Variants in CLIP2 observed in about 807,000 individuals in gnomAD.
CLIP2 encodes the protein CAP-Gly domain-containing linker protein 2.
A neutral mutation model predicts 111.7 loss-of-function variants in CLIP2; 41 were observed. That is an observed-to-expected ratio of 0.37 (90% CI 0.29 to 0.48). The LOEUF is 0.48. Among genes scored for constraint, CLIP2 ranks in the 20% least tolerant of loss-of-function variants. The pLI, the probability that CLIP2 is intolerant of heterozygous loss-of-function variation, is 0.99. For missense variants in CLIP2, 1,160 were observed against 1,422.1 expected (o/e 0.82, Z 2.96); for synonymous variants, 660 against 644.2 (o/e 1.02, Z -0.37).
chr7:74,295,753 C>T (rs1386870337), intron 1 of CLIP2, among the ~76,000 whole-genome samples: 2 of 152,036 alleles, frequency 1.3e-5, no homozygotes, highest in Non-Finnish European at 2.9e-5. Context: ...GCCTGTAATC[C>T]CAGCACTTTG....
intron 14 of CLIP2, among the ~76,000 whole-genome samples, chr7:74,398,358 C>CA (rs150046797): frequency 1.9e-4 from 28 of 145,964 alleles, no homozygotes; most frequent in East Asian, 6.1e-4. Context: ...GACTTTGTCT[C>CA]AAAAAAAAAA....
intron 16 of CLIP2, 25 bp downstream of exon 16, chr7:74,401,592 G>C (rs782695036): frequency 1.4e-5 from 22 of 1,609,854 alleles, no homozygotes; most frequent in South Asian, 3.3e-5. Flanking sequence ...GGGCCTCCCA[G>C]GTCCCTCCCG....
In CLIP2 at chr7:74,289,439, C is replaced by T. The variant is rs944890843; in HGVS notation, c.-363C>T. 1 of 149,992 alleles carries T rather than the reference C, an allele frequency of 6.7e-6. No homozygotes were observed. Among genetic ancestry groups the T allele is most frequent in the Non-Finnish European group, 1.5e-5 (1 of 67,306 alleles). The allele number at this position is 149,992 out of a possible 1,614,324, so 9.3% of individuals were successfully genotyped here. On this transcript the variant is annotated 5_prime_UTR_variant, in exon 1 of 17. Transcript: ENST00000223398. ...TTCCCTCCCGGAGCCGGGCCGCTGG[C>T]TCCGCTGGCTCCGCTGGCTCCGCGG...
chr7:74,374,889 A>G (rs1000108748), intron 9 of CLIP2, among the ~76,000 whole-genome samples: 4 of 152,172 alleles, frequency 2.6e-5, no homozygotes, highest in Admixed American at 6.6e-5. Context: ...TGGAGCCTCT[A>G]AGAGTTTTTT....
At chr7:74,379,872 G>A (rs181580577) in intron 10 of CLIP2, among the ~76,000 whole-genome samples, 3 of 152,096 alleles carry the variant, frequency 2.0e-5, no homozygotes, top group African/African-American at 4.8e-5. Flanking sequence ...GCTTGAACCC[G>A]GGAGGTGGAG....
At position 74,403,863 on chromosome 7, in the gene CLIP2, T is replaced by C. The variant is rs1554318126; in HGVS notation, c.*15T>C. On this transcript the variant is annotated 3_prime_UTR_variant, in exon 17 of 17. Transcript: ENST00000223398. ...ACAAGCACTGATCCTGAGGGGATACTGTGGAGCAGCCCAGTCCACACCAGA... is the reference window on the plus strand; with the variant it reads ...ACAAGCACTGATCCTGAGGGGATACCGTGGAGCAGCCCAGTCCACACCAGA... 1.9e-6 allele frequency: 3 copies of C among 1,613,090 alleles called. No homozygotes were observed. Among genetic ancestry groups the C allele is most frequent in the East Asian group, 2.2e-5 (1 of 44,864 alleles).
intron 2 of CLIP2, among the ~76,000 whole-genome samples, chr7:74,320,645 G>T (rs754531201): frequency 1.2e-4 from 18 of 152,292 alleles, no homozygotes; most frequent in Non-Finnish European, 2.1e-4. Flanking sequence ...AGAGCCAGGT[G>T]GGGATACCAG....
At chr7:74,323,117 AT>A (rs1456101876) in intron 2 of CLIP2, among the ~76,000 whole-genome samples, 2 of 132,832 alleles carry the variant, frequency 1.5e-5, no homozygotes, top group Admixed American at 1.6e-4. Context: ...TTATTTATTT[AT>A]TTATTTATTT....
intron 13 of CLIP2, among the ~76,000 whole-genome samples, chr7:74,395,950 A>G (rs1399696649): frequency 1.3e-5 from 2 of 152,180 alleles, no homozygotes; most frequent in African/African-American, 2.4e-5. Flanking sequence ...CAGCCATCAC[A>G]TCATACATCA....
At chr7:74,346,273 A>G (rs548080383) in intron 3 of CLIP2, among the ~76,000 whole-genome samples, 2 of 152,192 alleles carry the variant, frequency 1.3e-5, no homozygotes, top group Non-Finnish European at 2.9e-5. Context: ...GAGCCACCAC[A>G]TGCAGCTATG....
At chr7:74,362,185 G>A (rs995333995) in intron 7 of CLIP2, among the ~76,000 whole-genome samples, 1 of 151,914 alleles carries the variant, frequency 6.6e-6, no homozygotes, top group South Asian at 2.1e-4. Context: ...GACTCTGGCC[G>A]ACTTGGTCCT....
chr7:74,380,256 GC>G (rs1306337402), intron 10 of CLIP2: 1 of 152,138 alleles, frequency 6.6e-6, no homozygotes, highest in Non-Finnish European at 1.5e-5. Context: ...TGTGTGCCAG[GC>G]TGATTTTTTT....
At chr7:74,374,258 A>G (rs781993803) in intron 9 of CLIP2, among the ~76,000 whole-genome samples, 6 of 152,266 alleles carry the variant, frequency 3.9e-5, no homozygotes, top group Non-Finnish European at 7.3e-5. Flanking sequence ...CCAGAGACAC[A>G]CAGGGTCCAT....
chr7:74,390,408 A>C (rs1390070129), intron 13 of CLIP2, among the ~76,000 whole-genome samples: 1 of 152,062 alleles, frequency 6.6e-6, no homozygotes, highest in African/African-American at 2.4e-5. Flanking sequence ...GGTGGCTCAC[A>C]CTTGTAATCC....
chr7:74,331,160 C>G (rs1584332045), intron 2 of CLIP2, among the ~76,000 whole-genome samples: 1 of 123,638 alleles, frequency 8.1e-6, no homozygotes, highest in South Asian at 2.6e-4. Flanking sequence ...GAGCCGAGAT[C>G]ATGCCACTGC....
intron 8 of CLIP2, among the ~76,000 whole-genome samples, chr7:74,365,446 C>G (rs1349166664): frequency 6.6e-6 from 1 of 152,180 alleles, no homozygotes; most frequent in Non-Finnish European, 1.5e-5. Context: ...CTGTCTGTTT[C>G]CCACTGTGTT....
chr7:74,296,875 G>A (rs182177008), intron 1 of CLIP2, among the ~76,000 whole-genome samples: 48 of 151,874 alleles, frequency 3.2e-4, no homozygotes, highest in South Asian at 1.7e-3. Flanking sequence ...AGCTGTGAAC[G>A]CTACATCTCT....
intron 10 of CLIP2, chr7:74,380,400 G>A (rs1382551069): frequency 6.4e-6 from 1 of 156,242 alleles, no homozygotes; most frequent in Middle Eastern, 3.3e-3. Flanking sequence ...CTAACCCAAA[G>A]CAGCCAATAT....
At position 74,374,250 on chromosome 7, in the gene CLIP2, A is replaced by G. The variant is rs369727613; in HGVS notation, c.1485+1214A>G. Among the ~76,000 whole-genome samples, 5 of 152,240 alleles carry G rather than the reference A, an allele frequency of 3.3e-5. No homozygotes were observed. The South Asian group carries it at 1.0e-3, about 32-fold the overall frequency. ...GCTGTGTGCATGTGTGCAGGTGTCC[A>G]GAGACACACAGGGTCCATTTGCACA... On this transcript the variant is annotated intron_variant, in intron 9 of 16. Transcript: ENST00000223398.
Sources: allele counts gnomAD v4.1 joint callset (sites outside exome capture counted in the v4.1 genomes callset), GRCh38; gene constraint gnomAD v4.1.1; transcripts MANE v1.5; gene names NCBI Gene and HGNC (gene_info 2026-07-23, HGNC 2026-07-21).